The following KCNK2 variants were observed in gnomAD, a reference collection of about 807,000 sequenced individuals.
The protein encoded by KCNK2 is potassium channel subfamily K member 2.
KCNK2 carries 21 observed loss-of-function variants against 40.5 expected under a neutral mutation model. That is an observed-to-expected ratio of 0.52 (90% CI 0.37 to 0.75). The LOEUF (loss-of-function observed/expected upper bound fraction) is 0.75, where lower values mean the gene tolerates loss of function less well. Among genes scored for constraint, KCNK2 ranks in the 30% least tolerant of loss-of-function variants. The probability of loss-of-function intolerance (pLI) is 0.00; values close to 1 mark genes in which losing one functional copy is unlikely to be tolerated. For missense variants in KCNK2, 399 were observed against 531.6 expected (o/e 0.75, Z 2.45); for synonymous variants, 191 against 202.2 (o/e 0.94, Z 0.47).
At chr1:215,055,876 G>T (rs982271987) in intron 1 of KCNK2, among the ~76,000 whole-genome samples, 1 of 152,212 alleles carries the variant, frequency 6.6e-6, no homozygotes, top group African/African-American at 2.4e-5. Context: ...TTCTTCCCTT[G>T]TGGCACAGAA....
intron 2 of KCNK2, among the ~76,000 whole-genome samples, chr1:215,088,820 T>C (rs931035552): frequency 9.9e-5 from 15 of 152,226 alleles, no homozygotes; most frequent in African/African-American, 3.4e-4. Flanking sequence ...ATGCTCTGCA[T>C]TGGCAATCCA....
chr1:215,082,692 A>G (rs116037885), upstream of KCNK2, among the ~76,000 whole-genome samples: 1,038 of 151,710 alleles, frequency 6.8e-3, 13 homozygotes, highest in African/African-American at 0.024. Context: ...TGGCGGTGAG[A>G]CAGGAGGGGG....
At chr1:215,093,887 A>G (rs11120489) in intron 2 of KCNK2, among the ~76,000 whole-genome samples, 2 of 98,120 alleles carry the variant, frequency 2.0e-5, no homozygotes, top group Non-Finnish European at 3.9e-5. Context: ...ATTATATATT[A>G]TATATAAAAA....
chr1:215,231,442 T>G (rs1246036001), intron 6 of KCNK2, among the ~76,000 whole-genome samples: 1 of 152,206 alleles, frequency 6.6e-6, no homozygotes, highest in Non-Finnish European at 1.5e-5. Flanking sequence ...GTGTATCTAG[T>G]GCCTGCTATG....
At chr1:215,220,184 C>T (rs542568181) in intron 6 of KCNK2, among the ~76,000 whole-genome samples, 2 of 152,312 alleles carry the variant, frequency 1.3e-5, no homozygotes, top group African/African-American at 4.8e-5. Context: ...ACCATGAATT[C>T]ATACTGGTAT....
chr1:215,057,051 C>T lies in KCNK2; in HGVS notation c.35-29317C>T, dbSNP rs186161198. On this transcript the variant is annotated intron_variant, in intron 1 of 6. Coordinates refer to the KCNK2 transcript ENST00000391895. ...GAGTTTGTGTAAGTTTATTACTTTGCCTTTTCATTCTTTTTTAAATGTATA... is the reference window on the plus strand; with the variant it reads ...GAGTTTGTGTAAGTTTATTACTTTGTCTTTTCATTCTTTTTTAAATGTATA... 2.6e-3 allele frequency among the ~76,000 whole-genome samples: 393 copies of T among 152,150 alleles called. 1 individual carries two copies. The highest frequency in any genetic ancestry group is 8.3e-3 in the African/African-American group (346 of 41,518).
At chr1:215,073,121 G>A (rs1014345074) in intron 1 of KCNK2, among the ~76,000 whole-genome samples, 3 of 152,006 alleles carry the variant, frequency 2.0e-5, no homozygotes, top group Non-Finnish European at 2.9e-5. Context: ...AGACTGGAGC[G>A]CTGCGTCTAC....
At chr1:215,174,918 G>A (rs1663886677) in intron 5 of KCNK2, among the ~76,000 whole-genome samples, 1 of 152,032 alleles carries the variant, frequency 6.6e-6, no homozygotes, top group Non-Finnish European at 1.5e-5. Flanking sequence ...TGCAAACAGG[G>A]ACAATTTGAC....
intron 2 of KCNK2, among the ~76,000 whole-genome samples, chr1:215,102,562 C>T (rs934350428): frequency 6.6e-6 from 1 of 151,876 alleles, no homozygotes; most frequent in Admixed American, 6.6e-5. Flanking sequence ...ATTTAGTAGC[C>T]TAGGTGCATA....
intron 6 of KCNK2, among the ~76,000 whole-genome samples, chr1:215,227,233 AGCAGTAAT>A (rs1471971293): frequency 6.6e-6 from 1 of 152,192 alleles, no homozygotes; most frequent in African/African-American, 2.4e-5. Flanking sequence ...AGTTGTGTTG[AGCAGTAAT>A]GCTAAGGAAG....
At chr1:215,180,676 G>GA (rs933687439) in intron 5 of KCNK2, among the ~76,000 whole-genome samples, 12 of 151,784 alleles carry the variant, frequency 7.9e-5, no homozygotes, top group East Asian at 1.9e-4. Flanking sequence ...TAAAAATACT[G>GA]AAAAAAAACC....
At chr1:215,174,126 C>A (rs1417188988) in intron 5 of KCNK2, among the ~76,000 whole-genome samples, 1 of 151,532 alleles carries the variant, frequency 6.6e-6, no homozygotes, top group Admixed American at 6.6e-5. Flanking sequence ...AGTCTTTAAT[C>A]CATCTTGAAT....
intron 3 of KCNK2, among the ~76,000 whole-genome samples, chr1:215,131,659 G>A (rs931226359): frequency 1.6e-5 from 2 of 127,820 alleles, no homozygotes; most frequent in Non-Finnish European, 3.6e-5. Flanking sequence ...TATTATATCT[G>A]AGTGTCAGAA....
intron 6 of KCNK2, among the ~76,000 whole-genome samples, chr1:215,206,562 C>T (rs1665321556): frequency 6.6e-6 from 1 of 152,124 alleles, no homozygotes; most frequent in Non-Finnish European, 1.5e-5. Context: ...TTTCAAAATC[C>T]TGTTCTGATT....
intron 5 of KCNK2, among the ~76,000 whole-genome samples, chr1:215,186,159 CAG>C (rs1280852227): frequency 2.6e-5 from 4 of 152,100 alleles, no homozygotes; most frequent in African/African-American, 9.7e-5. Context: ...GGCAAAATGG[CAG>C]CACTTGAGAG....
intron 3 of KCNK2, among the ~76,000 whole-genome samples, chr1:215,131,448 ATAT>A (rs1317621781): frequency 1.4e-5 from 2 of 147,028 alleles, no homozygotes; most frequent in Non-Finnish European, 3.0e-5. Flanking sequence ...TTATATTCAT[ATAT>A]TATTTTATAT....
intron 3 of KCNK2, among the ~76,000 whole-genome samples, chr1:215,160,875 G>A (rs754503867): frequency 6.6e-6 from 1 of 152,108 alleles, no homozygotes; most frequent in South Asian, 2.1e-4. Context: ...ATATTCTGTG[G>A]CTCTCTCCTT....
chr1:215,178,090 T>A (rs1481236812), intron 5 of KCNK2, among the ~76,000 whole-genome samples: 1 of 152,092 alleles, frequency 6.6e-6, no homozygotes, highest in East Asian at 1.9e-4. Flanking sequence ...ATCCTTCACT[T>A]CCTTGGCTAG....
chr1:215,124,829 G>A (rs1661346498), intron 3 of KCNK2, 79 bp downstream of exon 3: 1 of 865,286 alleles, frequency 1.2e-6, no homozygotes, highest in Admixed American at 1.8e-5. Context: ...TTTTTGTATA[G>A]TTGGGCAAAA....
Sources: allele counts gnomAD v4.1 joint callset (sites outside exome capture counted in the v4.1 genomes callset), GRCh38; gene constraint gnomAD v4.1.1; transcripts MANE v1.5; gene names NCBI Gene and HGNC (gene_info 2026-07-23, HGNC 2026-07-21).